RSRC1: variants seen among roughly 807,000 people sequenced by gnomAD.
The protein encoded by RSRC1 is serine/Arginine-related protein 53.
RSRC1 carries 39 observed loss-of-function variants against 49.1 expected under a neutral mutation model. The ratio of observed to expected loss-of-function variants is 0.79; its 90% CI spans 0.61 to 1.04. The LOEUF (loss-of-function observed/expected upper bound fraction) is 1.04, where lower values mean the gene tolerates loss of function less well. Among genes scored for constraint, RSRC1 ranks in the 50% least tolerant of loss-of-function variants. The pLI is 0.00. For missense variants in RSRC1, 388 were observed against 402.4 expected, an observed-to-expected ratio of 0.96 and a Z score of 0.31; for synonymous variants, 143 against 130.8, an observed-to-expected ratio of 1.09 and a Z score of -0.63.
chr3:158,206,761 A>G (rs1316602048), intron 4 of RSRC1, among the ~76,000 whole-genome samples: 1 of 152,074 alleles, frequency 6.6e-6, no homozygotes, highest in Non-Finnish European at 1.5e-5. Flanking sequence ...TAAAAATACA[A>G]AAATTAGCTG....
At chr3:158,218,178 C>T (rs1379095465) in intron 4 of RSRC1, among the ~76,000 whole-genome samples, 1 of 151,454 alleles carries the variant, frequency 6.6e-6, no homozygotes, top group Non-Finnish European at 1.5e-5. Context: ...TAGCAGGATG[C>T]CTTTGAAGTG....
chr3:158,448,271 C>A (rs1736832609), intron 6 of RSRC1, among the ~76,000 whole-genome samples: 1 of 151,804 alleles, frequency 6.6e-6, no homozygotes. Context: ...GAATAAATAT[C>A]ACAGCACTAT....
chr3:158,385,039 A>T (rs919751071), intron 6 of RSRC1, among the ~76,000 whole-genome samples: 2 of 152,188 alleles, frequency 1.3e-5, no homozygotes, highest in African/African-American at 4.8e-5. Context: ...AAGGAAAAAT[A>T]AATTTATTTT....
rs1433180731 is a variant in RSRC1 at position 158,288,510 on chromosome 3, C to T, written c.495-9529C>T. The stretch of plus-strand genomic sequence containing the variant: ...TCATTGATTATGAATGTTTGTCCTG[C>T]GTGTGGGAAGTACCAGATAGGTAGC... On this transcript the variant is annotated intron_variant, in intron 4 of 9. Transcript: ENST00000611884. 4.6e-5 allele frequency among the ~76,000 whole-genome samples: 7 copies of T among 152,096 alleles called. No individual in the cohort carries two copies. The South Asian group carries it at 1.0e-3, about 23-fold the overall frequency.
At chr3:158,347,658 G>A (rs1219920764) in intron 5 of RSRC1, among the ~76,000 whole-genome samples, 2 of 151,926 alleles carry the variant, frequency 1.3e-5, no homozygotes, top group South Asian at 2.1e-4. Context: ...TAATCCTCCC[G>A]CCTCTGCCTC....
intron 3 of RSRC1, among the ~76,000 whole-genome samples, chr3:158,154,024 A>G (rs144119319): frequency 1.3e-3 from 205 of 152,278 alleles, no homozygotes; most frequent in Non-Finnish European, 1.8e-3. Flanking sequence ...CCTTGACTGG[A>G]CAGCTATACC....
At chr3:158,543,891 G>A (rs1713182395) in intron 9 of RSRC1, among the ~76,000 whole-genome samples, 1 of 152,040 alleles carries the variant, frequency 6.6e-6, no homozygotes, top group South Asian at 2.1e-4. Context: ...TGTCTTCCAT[G>A]AAATGTTGTA....
chr3:158,465,201 G>A (rs538269850), intron 7 of RSRC1, among the ~76,000 whole-genome samples: 55 of 152,090 alleles, frequency 3.6e-4, no homozygotes, highest in African/African-American at 1.3e-3. Context: ...TTTCCCCTAC[G>A]GACTGCCTGG....
chr3:158,205,894 T>C (rs571581603), intron 4 of RSRC1, among the ~76,000 whole-genome samples: 10 of 152,310 alleles, frequency 6.6e-5, no homozygotes, highest in Admixed American at 2.6e-4. Context: ...CATTCGAAGC[T>C]GTCCTGGGCT....
chr3:158,124,242 C>T (rs537161017), intron 3 of RSRC1, among the ~76,000 whole-genome samples: 146 of 152,218 alleles, frequency 9.6e-4, no homozygotes, highest in Non-Finnish European at 1.6e-3. Context: ...TACGTGGCTT[C>T]TCATTGTCCA....
intron 6 of RSRC1, among the ~76,000 whole-genome samples, chr3:158,417,177 T>C (rs1369258481): frequency 6.6e-6 from 1 of 152,070 alleles, no homozygotes; most frequent in African/African-American, 2.4e-5. Flanking sequence ...AACTTCAGAA[T>C]TCTCAACACA....
intron 6 of RSRC1, among the ~76,000 whole-genome samples, chr3:158,440,694 A>G (rs1736335978): frequency 6.6e-6 from 1 of 152,144 alleles, no homozygotes; most frequent in Non-Finnish European, 1.5e-5. Context: ...CTGTAATTCC[A>G]GCACTTTGGG....
chr3:158,155,858 TA>T (rs1717843810), intron 3 of RSRC1, among the ~76,000 whole-genome samples: 3 of 152,222 alleles, frequency 2.0e-5, no homozygotes, highest in Admixed American at 2.0e-4. Context: ...TTGTTTTATT[TA>T]TAGAGCACAG....
intron 7 of RSRC1, among the ~76,000 whole-genome samples, chr3:158,471,075 C>G (rs1169982319): frequency 2.0e-5 from 3 of 152,206 alleles, no homozygotes; most frequent in African/African-American, 7.2e-5. Flanking sequence ...GATTATACAT[C>G]TGAAGAAGAT....
At chr3:158,494,061 T>G (rs1404012410) in intron 7 of RSRC1, among the ~76,000 whole-genome samples, 1 of 152,186 alleles carries the variant, frequency 6.6e-6, no homozygotes, top group African/African-American at 2.4e-5. Flanking sequence ...TTGAAATTAT[T>G]TTATCACTTC....
chr3:158,509,087 A>G (rs1315329205), intron 7 of RSRC1, among the ~76,000 whole-genome samples: 1 of 152,222 alleles, frequency 6.6e-6, no homozygotes, highest in Non-Finnish European at 1.5e-5. Context: ...TAAGATCACA[A>G]AGATTTACTA....
intron 3 of RSRC1, among the ~76,000 whole-genome samples, chr3:158,138,270 C>T (rs1250528746): frequency 3.9e-5 from 6 of 152,196 alleles, no homozygotes; most frequent in Admixed American, 3.9e-4. Flanking sequence ...GTTCAATTTC[C>T]ATGGCTCCTC....
chr3:158,339,183 T>C (rs1282465426), intron 5 of RSRC1, among the ~76,000 whole-genome samples: 1 of 151,732 alleles, frequency 6.6e-6, no homozygotes, highest in East Asian at 1.9e-4. Flanking sequence ...TCCCAGCTAT[T>C]CTGGAGGCTG....
intron 4 of RSRC1, among the ~76,000 whole-genome samples, chr3:158,259,123 C>A (rs757957917): frequency 6.6e-6 from 1 of 152,050 alleles, no homozygotes; most frequent in African/African-American, 2.4e-5. Flanking sequence ...GCGTGTTCAT[C>A]GGTGTCTGGG....
Sources: gnomAD v4.1 joint callset for allele counts (sites outside exome capture counted in the v4.1 genomes callset) on GRCh38, gnomAD v4.1.1 for gene constraint, MANE v1.5 for transcripts, NCBI Gene and HGNC (gene_info 2026-07-23, HGNC 2026-07-21) for gene names.